QNG1: variants seen among roughly 807,000 people sequenced by gnomAD.
QNG1 encodes the protein Q-nucleotide N-glycosylase 1, also known as queuosine 5'-phosphate N-glycosylase/hydrolase.
At chr9:83,956,577 T>A in the QNG1 span, 1 of 1,275,440 alleles carries the variant, frequency 7.8e-7, no homozygotes, top group Non-Finnish European at 1.1e-6. Context: ...CTTGCGCTAC[T>A]ACGAACCGCG....
chr9:83,939,218 C>T, the QNG1 span: 1 of 281,400 alleles, frequency 3.6e-6, no homozygotes, highest in Non-Finnish European at 6.8e-6. Context: ...GGATTACAGG[C>T]ACGTGCCACC....
the QNG1 span, among the ~76,000 whole-genome samples, chr9:83,946,899 T>C: frequency 9.9e-5 from 15 of 151,822 alleles, no homozygotes; most frequent in African/African-American, 3.6e-4. Flanking sequence ...ATGCCTGGCC[T>C]ACAAATTTTT....
chr9:83,955,856 AT>A, the QNG1 span, among the ~76,000 whole-genome samples: 1 of 152,208 alleles, frequency 6.6e-6, no homozygotes, highest in East Asian at 1.9e-4. Context: ...CATCAGATGT[AT>A]TCTGAGTAAA....
chr9:83,947,566 G>A, the QNG1 span, among the ~76,000 whole-genome samples: 1 of 152,184 alleles, frequency 6.6e-6, no homozygotes, highest in African/African-American at 2.4e-5. Context: ...GATGCCGAGG[G>A]GAGGCTGGAC....
the QNG1 span, chr9:83,938,479 A>G: frequency 6.6e-6 from 1 of 152,184 alleles, no homozygotes; most frequent in East Asian, 1.9e-4. Flanking sequence ...AACAGCATTC[A>G]TATATCAAAA....
At chr9:83,956,644 G>C in the QNG1 span, 2 of 628,550 alleles carry the variant, frequency 3.2e-6, no homozygotes, top group South Asian at 5.2e-5. Flanking sequence ...CGAGAACTTA[G>C]TGCAGCCAAG....
chr9:83,945,616 T>A, the QNG1 span, among the ~76,000 whole-genome samples: 1 of 152,152 alleles, frequency 6.6e-6, no homozygotes, highest in Admixed American at 6.6e-5. Flanking sequence ...TATTATTATT[T>A]TTTGAGACGG....
the QNG1 span, among the ~76,000 whole-genome samples, chr9:83,940,219 A>G: frequency 6.6e-6 from 1 of 152,174 alleles, no homozygotes; most frequent in Admixed American, 6.5e-5. Context: ...AGCCTGGGCA[A>G]CATGACAAAA....
At chr9:83,952,515 G>C in the QNG1 span, among the ~76,000 whole-genome samples, 1 of 151,956 alleles carries the variant, frequency 6.6e-6, no homozygotes, top group East Asian at 1.9e-4. Context: ...CAAAAATTAG[G>C]CCAGGTGCGG....
At chr9:83,943,787 C>T in the QNG1 span, among the ~76,000 whole-genome samples, 36 of 146,066 alleles carry the variant, frequency 2.5e-4, no homozygotes, top group Admixed American at 1.4e-4. Context: ...TTTGGGAGGC[C>T]GAGGTGGGTG....
At chr9:83,953,857 A>T in the QNG1 span, 1 of 1,485,652 alleles carries the variant, frequency 6.7e-7, no homozygotes, top group East Asian at 2.5e-5. Context: ...TGTATGAAAA[A>T]GAAAACACAA....
chr9:83,938,506 T>TACC, the QNG1 span: 1 of 152,280 alleles, frequency 6.6e-6, no homozygotes, highest in East Asian at 1.9e-4. Flanking sequence ...CTCTTTTTTA[T>TACC]ACCAAATGAT....
chr9:83,955,403 T>A, the QNG1 span: 7 of 1,613,918 alleles, frequency 4.3e-6, no homozygotes, highest in African/African-American at 9.3e-5. Flanking sequence ...CACATCTCTG[T>A]AAGAAGGAAA....
the QNG1 span, chr9:83,956,727 G>A: frequency 2.4e-6 from 1 of 421,172 alleles, no homozygotes. Flanking sequence ...GCTGGGCAGA[G>A]GCCGCAAGCA....
chr9:83,955,590 C>T, the QNG1 span: 1 of 1,614,158 alleles, frequency 6.2e-7, no homozygotes, highest in Non-Finnish European at 8.5e-7. Flanking sequence ...ATATTCCGAA[C>T]CTGATCCAGG....
At chr9:83,948,041 C>T in the QNG1 span, among the ~76,000 whole-genome samples, 1 of 151,454 alleles carries the variant, frequency 6.6e-6, no homozygotes, top group Non-Finnish European at 1.5e-5. Flanking sequence ...CGCCTCTTCC[C>T]GGCTGCCATC....
chr9:83,955,621 G>A, the QNG1 span: 3 of 1,613,082 alleles, frequency 1.9e-6, no homozygotes, highest in Non-Finnish European at 2.5e-6. Flanking sequence ...CGTAGTACGA[G>A]GCACTAGTTA....
chr9:83,939,593 T>G, the QNG1 span: 1 of 1,614,106 alleles, frequency 6.2e-7, no homozygotes, highest in Non-Finnish European at 8.5e-7. Flanking sequence ...CCATAAGTAA[T>G]AATCCAGAAG....
chr9:83,944,826 T>C, the QNG1 span: 2 of 1,613,604 alleles, frequency 1.2e-6, no homozygotes, highest in Non-Finnish European at 1.7e-6. Context: ...GTCATCAGAG[T>C]ATTTCAGGGC....
Sources: allele counts gnomAD v4.1 joint callset (sites outside exome capture counted in the v4.1 genomes callset), GRCh38; gene constraint gnomAD v4.1.1; transcripts MANE v1.5; gene names NCBI Gene and HGNC (gene_info 2026-07-23, HGNC 2026-07-21).